SLC35D4: variants seen among roughly 807,000 people sequenced by gnomAD.
SLC35D4 encodes the protein UDP-N-acetylglucosamine transporter SLC35D4.
the SLC35D4 span, among the ~76,000 whole-genome samples, chr18:23,356,412 C>G: frequency 3.3e-5 from 5 of 152,110 alleles, no homozygotes; most frequent in Non-Finnish European, 5.9e-5. The surrounding 1 kb of genome is among the most constrained non-coding windows in gnomAD (Gnocchi z 4.1). Context: ...CAAGCTGGCC[C>G]TGAGCATCTA....
chr18:23,248,512 C>CATTTTTTTTTT, the SLC35D4 span, among the ~76,000 whole-genome samples: 1 of 90,714 alleles, frequency 1.1e-5, no homozygotes, highest in Non-Finnish European at 2.1e-5. Flanking sequence ...GACCCTATGT[C>CATTTTTTTTTT]TTTTTTTTTT....
chr18:23,380,247 T>A, the SLC35D4 span, among the ~76,000 whole-genome samples: 3 of 151,968 alleles, frequency 2.0e-5, no homozygotes, highest in African/African-American at 7.3e-5. Flanking sequence ...AATCATGGGG[T>A]AATTAACAGT....
At chr18:23,433,308 C>T in the SLC35D4 span, among the ~76,000 whole-genome samples, 2 of 152,158 alleles carry the variant, frequency 1.3e-5, no homozygotes, top group African/African-American at 4.8e-5. Context: ...AGGCATGAGC[C>T]ACTGTGCCTG....
chr18:23,394,302 G>C, the SLC35D4 span, among the ~76,000 whole-genome samples: 9 of 152,164 alleles, frequency 5.9e-5, no homozygotes, highest in Non-Finnish European at 4.4e-5. Context: ...TTTTTCTAAT[G>C]ATTAATGATG....
the SLC35D4 span, among the ~76,000 whole-genome samples, chr18:23,348,437 T>A: frequency 1.3e-5 from 2 of 152,268 alleles, no homozygotes; most frequent in African/African-American, 4.8e-5. Context: ...AGTGCAGTAT[T>A]GAAATCTCCA....
At chr18:23,386,124 C>CAAAAAAAAAAAAA in the SLC35D4 span, among the ~76,000 whole-genome samples, 1 of 41,146 alleles carries the variant, frequency 2.4e-5, no homozygotes, top group African/African-American at 9.2e-5. Flanking sequence ...GACTCTGTCT[C>CAAAAAAAAAAAAA]AAAAAAAAAA....
chr18:23,396,984 G>A, the SLC35D4 span, among the ~76,000 whole-genome samples: 1 of 152,158 alleles, frequency 6.6e-6, no homozygotes, highest in East Asian at 1.9e-4. Flanking sequence ...AAGAAGCGTT[G>A]TTGAAGGCTG....
the SLC35D4 span, among the ~76,000 whole-genome samples, chr18:23,388,917 T>C: frequency 6.6e-6 from 1 of 152,088 alleles, no homozygotes; most frequent in Non-Finnish European, 1.5e-5. Context: ...CAGCCATGCT[T>C]CCTGTACAGC....
At chr18:23,435,492 A>C in the SLC35D4 span, among the ~76,000 whole-genome samples, 1 of 149,024 alleles carries the variant, frequency 6.7e-6, no homozygotes, top group South Asian at 2.1e-4. Flanking sequence ...GCTACAAAAA[A>C]CAAACAAACA....
the SLC35D4 span, among the ~76,000 whole-genome samples, chr18:23,252,064 C>A: frequency 7.8e-5 from 11 of 141,474 alleles, no homozygotes; most frequent in African/African-American, 2.6e-5. Flanking sequence ...CCAGCCTGGG[C>A]AACAAAGTGA....
chr18:23,285,678 T>G, the SLC35D4 span, among the ~76,000 whole-genome samples: 1 of 152,106 alleles, frequency 6.6e-6, no homozygotes, highest in East Asian at 1.9e-4. Flanking sequence ...CTAATCTTCC[T>G]TTTCTACAGA....
the SLC35D4 span, among the ~76,000 whole-genome samples, chr18:23,265,984 A>C: frequency 1.1e-4 from 17 of 152,290 alleles, no homozygotes; most frequent in East Asian, 2.9e-3. Context: ...TTTATTTATA[A>C]AATAAAAACA....
chr18:23,414,250 T>C, the SLC35D4 span, among the ~76,000 whole-genome samples: 1 of 139,100 alleles, frequency 7.2e-6, no homozygotes, highest in Admixed American at 7.7e-5. Context: ...TGAGACTCTG[T>C]CTCAAAAAGA....
chr18:23,251,991 C>T, the SLC35D4 span, among the ~76,000 whole-genome samples: 1 of 151,348 alleles, frequency 6.6e-6, no homozygotes, highest in Non-Finnish European at 1.5e-5. Flanking sequence ...GAAGCTGAGA[C>T]AGGAGAATCG....
chr18:23,312,775 C>T, the SLC35D4 span, among the ~76,000 whole-genome samples: 3 of 152,074 alleles, frequency 2.0e-5, no homozygotes, highest in Non-Finnish European at 4.4e-5. Context: ...TGGAAGCCAT[C>T]CCAGGACCAA....
At chr18:23,263,648 C>G in the SLC35D4 span, among the ~76,000 whole-genome samples, 1 of 152,200 alleles carries the variant, frequency 6.6e-6, no homozygotes, top group Admixed American at 6.5e-5. Flanking sequence ...ATTCTCCTTG[C>G]CCTACGCTCT....
At chr18:23,329,144 G>A in the SLC35D4 span, among the ~76,000 whole-genome samples, 4 of 152,170 alleles carry the variant, frequency 2.6e-5, no homozygotes, top group Admixed American at 6.5e-5. Context: ...ACATAGGCAT[G>A]GGCAAGGACT....
At chr18:23,346,215 C>A in the SLC35D4 span, among the ~76,000 whole-genome samples, 3 of 152,178 alleles carry the variant, frequency 2.0e-5, no homozygotes, top group Non-Finnish European at 4.4e-5. Context: ...CTCACTGCAT[C>A]CTCAAACTCC....
At chr18:23,428,438 T>C in the SLC35D4 span, among the ~76,000 whole-genome samples, 1 of 152,170 alleles carries the variant, frequency 6.6e-6, no homozygotes, top group African/African-American at 2.4e-5. Flanking sequence ...GCAATGTCAA[T>C]TGGTAAAACA....
Sources: allele counts gnomAD v4.1 joint callset (sites outside exome capture counted in the v4.1 genomes callset), GRCh38; gene constraint gnomAD v4.1.1; non-coding constraint Gnocchi (gnomAD v3.1); transcripts MANE v1.5; gene names NCBI Gene and HGNC (gene_info 2026-07-23, HGNC 2026-07-21).